The following TCERG1 variants were observed in gnomAD, a reference collection of about 807,000 sequenced individuals.
TCERG1 encodes the protein TATA box binding protein (TBP)-associated factor, RNA polymerase II, S, 150kD.
In TCERG1, 37 loss-of-function variants were observed where a neutral mutation model predicts 144.7. That is an observed-to-expected ratio of 0.26 (90% CI 0.20 to 0.34). The LOEUF (loss-of-function observed/expected upper bound fraction) is 0.34, where lower values mean the gene tolerates loss of function less well. Ranked by LOEUF, TCERG1 falls within the 10% of genes least tolerant of loss-of-function variation. The pLI is 1.00. For missense variants in TCERG1, 1,027 were observed against 1,380.7 expected, an observed-to-expected ratio of 0.74 and a Z score of 4.06; for synonymous variants, 492 against 458.2, an observed-to-expected ratio of 1.07 and a Z score of -0.94.
intron 5 of TCERG1, among the ~76,000 whole-genome samples, chr5:146,467,554 C>T (rs918671467): frequency 5.3e-5 from 8 of 152,100 alleles, no homozygotes; most frequent in Admixed American, 4.6e-4. Context: ...ACATAATTTT[C>T]ATTCTTTAAT....
chr5:146,448,355 T>C (rs1459452215), intron 1 of TCERG1, among the ~76,000 whole-genome samples: 1 of 152,218 alleles, frequency 6.6e-6, no homozygotes, highest in African/African-American at 2.4e-5. Context: ...CCTCAGTGTC[T>C]ATGAGTTTGT....
Position 146,511,059 on chromosome 5 carries a change from A to T in TCERG1, c.*417A>T, listed in dbSNP as rs1012736223. On this transcript the variant is annotated 3_prime_UTR_variant, in exon 23 of 23. Transcript: ENST00000679501. ...TGTTTTGTTTTGATTTTTTTTTTTT[A>T]AAGCGGGTAAAAGAGAAAACACTGA... is the stretch of plus-strand genomic sequence containing the variant. 1.4e-4 allele frequency: 21 copies of T among 152,620 alleles called. No individual in the cohort carries two copies. Among genetic ancestry groups the T allele is most frequent in the Middle Eastern group, 3.1e-3 (1 of 320 alleles). The allele number at this position is 152,620 out of a possible 1,614,324, so 9.5% of individuals were successfully genotyped here. A position where few individuals can be genotyped will look rare whatever the true frequency, so the allele number is the denominator to read the frequency against.
At chr5:146,488,153 AAAAAACCATAGAGG>A (rs755018020) in intron 15 of TCERG1, among the ~76,000 whole-genome samples, 3 of 152,200 alleles carry the variant, frequency 2.0e-5, no homozygotes, top group Non-Finnish European at 2.9e-5. Context: ...AACTACTAGA[AAAAAACCATAGAGG>A]AAATAATTCC....
At chr5:146,458,358 A>G (rs1004094933) in intron 3 of TCERG1, among the ~76,000 whole-genome samples, 2 of 151,488 alleles carry the variant, frequency 1.3e-5, no homozygotes, top group African/African-American at 2.4e-5. Flanking sequence ...TTGTATTTTT[A>G]GTAGAGACAG....
At chr5:146,483,726 C>A in intron 15 of TCERG1, 97 bp downstream of exon 15, 1 of 855,456 alleles carries the variant, frequency 1.2e-6, no homozygotes, top group Non-Finnish European at 1.8e-6. Flanking sequence ...TTTTCTGATA[C>A]AGCATTTCAA....
At chr5:146,447,512 C>A in intron 1 of TCERG1, 104 bp downstream of exon 1, 1 of 1,431,980 alleles carries the variant, frequency 7.0e-7, no homozygotes, top group Non-Finnish European at 9.4e-7. Context: ...GGTAGCGGAG[C>A]CGGGCGGCCC....
intron 6 of TCERG1, 51 bp downstream of exon 6, chr5:146,468,454 G>A: frequency 6.5e-7 from 1 of 1,544,344 alleles, no homozygotes; most frequent in Non-Finnish European, 8.9e-7. Context: ...TGGCATGGTA[G>A]TGAATGTTGT....
At chr5:146,490,805 TTTTCTC>T (rs1207650826) in intron 15 of TCERG1, among the ~76,000 whole-genome samples, 6 of 152,286 alleles carry the variant, frequency 3.9e-5, no homozygotes, top group South Asian at 4.1e-4. Flanking sequence ...TTCTTCAACT[TTTTCTC>T]TTTCCTGTTA....
intron 5 of TCERG1, among the ~76,000 whole-genome samples, chr5:146,464,576 A>ATAG (rs923365531): frequency 4.3e-4 from 65 of 152,316 alleles, no homozygotes; most frequent in African/African-American, 1.3e-3. Context: ...TTTAAAAATG[A>ATAG]TAGTGTTGGG....
At chr5:146,472,216 T>C (rs1581448474) in intron 9 of TCERG1, among the ~76,000 whole-genome samples, 1 of 152,360 alleles carries the variant, frequency 6.6e-6, no homozygotes, top group East Asian at 1.9e-4. Flanking sequence ...TGTAAAATTA[T>C]GTCTTTCAAT....
At chr5:146,476,342 G>A (rs977020457) in intron 9 of TCERG1, among the ~76,000 whole-genome samples, 2 of 152,126 alleles carry the variant, frequency 1.3e-5, no homozygotes. Flanking sequence ...GTTTCTCAAT[G>A]ATAGTGACCT....
intron 15 of TCERG1, among the ~76,000 whole-genome samples, chr5:146,491,018 A>T (rs1011651576): frequency 1.3e-5 from 2 of 149,518 alleles, no homozygotes; most frequent in East Asian, 4.0e-4. Context: ...TTATATTTTT[A>T]TTTTTCTGTA....
chr5:146,506,937 T>C, intron 19 of TCERG1, 91 bp from the exon 20 acceptor site: 1 of 1,080,804 alleles, frequency 9.3e-7, no homozygotes, highest in South Asian at 2.4e-5. Context: ...ATATCTTGGC[T>C]ATTGTGAATA....
At chr5:146,452,543 C>T (rs1268930011) in intron 1 of TCERG1, among the ~76,000 whole-genome samples, 1 of 152,138 alleles carries the variant, frequency 6.6e-6, no homozygotes, top group Non-Finnish European at 1.5e-5. Flanking sequence ...AACACAATTC[C>T]TACTCTGAAG....
At chr5:146,483,813 T>C (rs1284040441) in intron 15 of TCERG1, among the ~76,000 whole-genome samples, 184 bp downstream of exon 15, 2 of 152,184 alleles carry the variant, frequency 1.3e-5, no homozygotes, top group Non-Finnish European at 2.9e-5. Flanking sequence ...TGGATATTTT[T>C]GCCCTTATGA....
chr5:146,467,993 A>G (rs887176863), intron 5 of TCERG1, among the ~76,000 whole-genome samples: 4 of 152,206 alleles, frequency 2.6e-5, no homozygotes, highest in African/African-American at 7.2e-5. Flanking sequence ...TCTAAGCAAC[A>G]GCAGCATGGG....
intron 19 of TCERG1, among the ~76,000 whole-genome samples, chr5:146,504,783 A>T (rs1383606755): frequency 2.0e-5 from 3 of 152,220 alleles, no homozygotes; most frequent in African/African-American, 7.2e-5. Flanking sequence ...ACGGTGGCTC[A>T]TGCCTGTAAT....
At chr5:146,506,675 C>T (rs902027808) in intron 19 of TCERG1, among the ~76,000 whole-genome samples, 54 of 152,182 alleles carry the variant, frequency 3.5e-4, no homozygotes, top group Non-Finnish European at 7.2e-4. Context: ...CTGTCTCCTA[C>T]CCCCTAGACT....
chr5:146,497,544 C>T (rs990150650), intron 16 of TCERG1, among the ~76,000 whole-genome samples: 5 of 152,120 alleles, frequency 3.3e-5, no homozygotes, highest in Non-Finnish European at 5.9e-5. Context: ...CTATGGATCA[C>T]GTTTCTTTGT....
Sources: allele counts gnomAD v4.1 joint callset (sites outside exome capture counted in the v4.1 genomes callset), GRCh38; gene constraint gnomAD v4.1.1; transcripts MANE v1.5; gene names NCBI Gene and HGNC (gene_info 2026-07-23, HGNC 2026-07-21).